The following FRYL variants were observed in gnomAD, a reference collection of about 807,000 sequenced individuals.
FRYL encodes the protein FRY like transcription coactivator, also known as protein furry homolog-like.
In FRYL, 150 loss-of-function variants were observed where a neutral mutation model predicts 351.2. The ratio of observed to expected loss-of-function variants is 0.43; its 90% CI spans 0.37 to 0.49. FRYL has a LOEUF of 0.49. Ranked by LOEUF, FRYL falls within the 20% of genes least tolerant of loss-of-function variation. The pLI is 0.00. For synonymous variants in FRYL, 1,153 were observed against 1,257.1 expected, an observed-to-expected ratio of 0.92 and a Z score of 1.75; for missense variants, 3,036 against 3,619.3, an observed-to-expected ratio of 0.84 and a Z score of 4.13.
At chr4:48,668,069 C>A (rs1228913675) in intron 3 of FRYL, among the ~76,000 whole-genome samples, 3 of 152,094 alleles carry the variant, frequency 2.0e-5, no homozygotes. Flanking sequence ...CAAATCTGGC[C>A]CAACAGCTGT....
At chr4:48,746,978 T>C (rs1351869416) in intron 1 of FRYL, among the ~76,000 whole-genome samples, 3 of 152,154 alleles carry the variant, frequency 2.0e-5, no homozygotes, top group Non-Finnish European at 4.4e-5. Context: ...AAATAAATGA[T>C]TGTGTCTTTT....
At chr4:48,663,479 C>G (rs1165258343) in intron 3 of FRYL, among the ~76,000 whole-genome samples, 1 of 151,684 alleles carries the variant, frequency 6.6e-6, no homozygotes, top group African/African-American at 2.4e-5. Context: ...AGGAAACAAA[C>G]AGCAAGACAG....
chr4:48,776,700 G>GGAT (rs1481667617), intron 1 of FRYL, among the ~76,000 whole-genome samples: 1 of 152,134 alleles, frequency 6.6e-6, no homozygotes, highest in Non-Finnish European at 1.5e-5. Flanking sequence ...AGGGCCAGAT[G>GGAT]GATGATCCCT....
chr4:48,627,199 ATGGATTTTAC>A (rs1488170035), intron 4 of FRYL, among the ~76,000 whole-genome samples: 1 of 152,180 alleles, frequency 6.6e-6, no homozygotes, highest in African/African-American at 2.4e-5. Context: ...TTTTTTAAAA[ATGGATTTTAC>A]TGTCCTAATG....
chr4:48,607,617 C>T (rs1454764911), intron 9 of FRYL, among the ~76,000 whole-genome samples: 2 of 152,136 alleles, frequency 1.3e-5, no homozygotes, highest in African/African-American at 4.8e-5. Flanking sequence ...CCTTTATCTC[C>T]TTCTCTTCCC....
chr4:48,510,908 G>A lies in FRYL; in HGVS notation c.8222C>T (p.Thr2741Ile). ...FLGDSLQRIG[T>I]KFKSSLEVMM... is the part of the protein sequence containing the mutation. Reference sequence around the variant, plus strand: ...CACTTCCAAGGAACTTTTAAATTTGGTACCAATGCGTTGCAGACTATCACC... The same window carrying A: ...CACTTCCAAGGAACTTTTAAATTTGATACCAATGCGTTGCAGACTATCACC... The change falls in exon 58 of 64, where the codon ACC becomes ATC. Residue 2741 changes from threonine to isoleucine, a missense_variant. Transcript: ENST00000358350. 1 of 1,612,056 alleles carries A rather than the reference G, an allele frequency of 6.2e-7. No homozygotes were observed.
intron 3 of FRYL, among the ~76,000 whole-genome samples, chr4:48,653,255 G>C (rs1440293520): frequency 6.6e-6 from 1 of 152,104 alleles, no homozygotes; most frequent in Non-Finnish European, 1.5e-5. Context: ...TCAATTAGAA[G>C]AATGAGGGAA....
At position 48,547,708 on chromosome 4, in the gene FRYL, T is replaced by C. The variant is rs1330817555; in HGVS notation, c.4950A>G (p.Leu1650=). 6.9e-6 allele frequency: 11 copies of C among 1,601,098 alleles called. No individual in the cohort carries two copies. The highest frequency in any genetic ancestry group is 9.4e-6 in the Non-Finnish European group (11 of 1,171,202). ...EHCKRLLLHL[L]IVMGPNSNIR... is the part of the protein sequence containing the mutation. ...TGTTACTATTGGGTCCCATTACTAT[T>C]AATAAGTGCAGAAGCAGGCGTTTAC... Residue 1650 remains leucine, a synonymous_variant, in exon 41 of 64, where the codon TTA becomes TTG. Coordinates refer to ENST00000358350, the MANE Select transcript of FRYL (RefSeq NM_015030.2).
intron 4 of FRYL, among the ~76,000 whole-genome samples, chr4:48,626,623 GATAAT>G (rs1357757764): frequency 6.6e-6 from 1 of 152,012 alleles, no homozygotes; most frequent in Non-Finnish European, 1.5e-5. Context: ...ATAAGTACAT[GATAAT>G]TGGTTTTTCT....
At chr4:48,563,913 A>G (rs1229174498) in intron 31 of FRYL, 35 bp downstream of exon 31, 2 of 1,588,914 alleles carry the variant, frequency 1.3e-6, no homozygotes, top group Admixed American at 3.8e-5. Flanking sequence ...AAGAAAACAG[A>G]ACAAAATGAA....
At position 48,645,124 on chromosome 4, in the gene FRYL, TTATATATATATATATA is replaced by T. The variant is rs36223183; in HGVS notation, c.-80-10650_-80-10635del. 3.8e-4 allele frequency among the ~76,000 whole-genome samples: 40 copies of T among 105,476 alleles called. 4 individuals are homozygous for T. The highest frequency in any genetic ancestry group is 1.8e-3 in the East Asian group (6 of 3,270). The allele number at this position is 105,476 out of a possible 152,430, so 69.2% of individuals were successfully genotyped here. ...ATTAAACCAGCAGTGAGCTTTCATT[TTATATATATATATATA>T]TATATATATATATATCAGACTGGCA... On this transcript the variant is annotated intron_variant, in intron 3 of 63. Transcript: ENST00000358350.
In FRYL at chr4:48,579,031, A is replaced by G. The variant is rs768889978; in HGVS notation, c.2470T>C (p.Tyr824His). The G allele has an allele frequency of 9.9e-6, 16 of 1,613,876 alleles. No homozygotes were observed. The highest frequency in any genetic ancestry group is 3.3e-5 in the Admixed American group (2 of 59,996). ...LPKHCSTAVS[Y>H]AWMFAYTRLQ... ...CTTGTGTATGCAAACATCCAAGCAT[A>G]GCTCACAGCTGTAGAGCAGTGTTTA... The change falls in exon 23 of 64, where the codon TAT becomes CAT. Residue 824 changes from tyrosine to histidine, a missense_variant. Tyr to His is a moderately conservative substitution (Grantham distance 83, BLOSUM62 2). Transcript: ENST00000358350.
At chr4:48,634,170 A>G (rs1753789532) in intron 4 of FRYL, 121 bp downstream of exon 4, 2 of 743,042 alleles carry the variant, frequency 2.7e-6, no homozygotes, top group East Asian at 5.3e-5. Context: ...GCAGCTTTCT[A>G]CATCACCACT....
In FRYL at chr4:48,553,480, G is replaced by A. The variant is rs1370115457; in HGVS notation, c.4267-97C>T. 6 of 766,380 alleles carry A rather than the reference G, an allele frequency of 7.8e-6. No homozygotes were observed. In the East Asian group the frequency reaches 1.5e-4, roughly 19 times the overall value. 47.5% of individuals were successfully genotyped at this position (766,380 alleles called of 1,614,324 possible). A position where few individuals can be genotyped will look rare whatever the true frequency, so the allele number is the denominator to read the frequency against. ...TTTATCAGAGTAAGTTCAACTTTAAGTGGTAGATGAATAAACACAATCTAA... is the reference window on the plus strand; with the variant it reads ...TTTATCAGAGTAAGTTCAACTTTAAATGGTAGATGAATAAACACAATCTAA... On this transcript the variant is annotated intron_variant, in intron 35 of 63. Transcript: ENST00000358350.
chr4:48,654,058 AC>A, intron 3 of FRYL: 1 of 471,550 alleles, frequency 2.1e-6, no homozygotes, highest in Non-Finnish European at 3.2e-6. Context: ...GGACACCCTC[AC>A]CTTTCTTTAT....
At chr4:48,725,775 G>A (rs1770007868) in intron 1 of FRYL, among the ~76,000 whole-genome samples, 1 of 152,166 alleles carries the variant, frequency 6.6e-6, no homozygotes, top group Admixed American at 6.5e-5. Context: ...GAGTAGTGAT[G>A]CTGGCATATT....
intron 1 of FRYL, among the ~76,000 whole-genome samples, chr4:48,766,006 A>G (rs2109392178): frequency 6.6e-6 from 1 of 152,324 alleles, no homozygotes; most frequent in Admixed American, 6.5e-5. Flanking sequence ...ATGTGGAGAA[A>G]AGGGAATGCT....
At chr4:48,760,900 A>T (rs1486163969) in intron 1 of FRYL, among the ~76,000 whole-genome samples, 1 of 151,414 alleles carries the variant, frequency 6.6e-6, no homozygotes, top group Non-Finnish European at 1.5e-5. Flanking sequence ...CTGGTCTAGA[A>T]CTCCTGGCCT....
intron 3 of FRYL, chr4:48,681,064 C>T (rs1764532165): frequency 7.8e-7 from 1 of 1,282,228 alleles, no homozygotes; most frequent in Non-Finnish European, 1.0e-6. Context: ...TTCCTCAGTA[C>T]TAGTATCCAA....
Sources: allele counts gnomAD v4.1 joint callset (sites outside exome capture counted in the v4.1 genomes callset), GRCh38; gene constraint gnomAD v4.1.1; transcripts MANE v1.5; gene names NCBI Gene and HGNC (gene_info 2026-07-23, HGNC 2026-07-21).